Variants in GABRR1 observed in about 807,000 individuals in gnomAD.
GABRR1 encodes gamma-aminobutyric acid receptor subunit rho-1.
GABRR1 carries 59 observed loss-of-function variants against 55.5 expected under a neutral mutation model. That is an observed-to-expected ratio of 1.06 (90% confidence interval 0.86 to 1.32). GABRR1 has a LOEUF of 1.32. Ranked by LOEUF, GABRR1 falls within the 40% of genes most tolerant of loss-of-function variation. GABRR1 has a pLI of 0.00. For synonymous variants in GABRR1, 213 were observed against 226.0 expected (o/e 0.94, Z 0.51); for missense variants, 602 against 619.1 (o/e 0.97, Z 0.29).
At chr6:89,191,439 T>C (rs1293330007) in intron 5 of GABRR1, among the ~76,000 whole-genome samples, 1 of 152,230 alleles carries the variant, frequency 6.6e-6, no homozygotes, top group South Asian at 2.1e-4. Context: ...TCGAGCTAAC[T>C]TTAGAGACAT....
chr6:89,204,172 C>T (rs773230415), intron 1 of GABRR1, among the ~76,000 whole-genome samples: 8 of 152,212 alleles, frequency 5.3e-5, no homozygotes, highest in African/African-American at 1.2e-4. Context: ...CACATCTCTT[C>T]GAATTGTCCT....
chr6:89,185,686 A>C (rs1366928524), intron 6 of GABRR1, among the ~76,000 whole-genome samples: 1 of 152,250 alleles, frequency 6.6e-6, no homozygotes, highest in Non-Finnish European at 1.5e-5. Flanking sequence ...AATGCACATA[A>C]TTCCTGCAAA....
At chr6:89,219,003 C>G (rs138548423), upstream of GABRR1, among the ~76,000 whole-genome samples, 6,027 of 152,170 alleles carry the variant, frequency 0.04, 194 homozygotes, top group Middle Eastern at 0.071. Context: ...CGGTGGCTCA[C>G]GCCTGTAATC....
chr6:89,190,301 A>G, intron 5 of GABRR1, 54 bp from the exon 6 acceptor site: 2 of 1,305,944 alleles, frequency 1.5e-6, no homozygotes, highest in Non-Finnish European at 1.1e-6. Context: ...AGACGAGTGC[A>G]AAATGATAAA....
intron 5 of GABRR1, among the ~76,000 whole-genome samples, chr6:89,193,633 G>T (rs1289198411): frequency 6.6e-6 from 1 of 152,132 alleles, no homozygotes; most frequent in East Asian, 1.9e-4. Context: ...CAGGAAGCTT[G>T]TGAGCCAGTT....
At chr6:89,196,048 T>A (rs1320449009) in intron 5 of GABRR1, among the ~76,000 whole-genome samples, 1 of 152,250 alleles carries the variant, frequency 6.6e-6, no homozygotes, top group Non-Finnish European at 1.5e-5. Flanking sequence ...TATCATCCAA[T>A]TCAGCAAAGA....
chr6:89,185,592 A>G, intron 6 of GABRR1, 142 bp from the exon 7 acceptor site: 1 of 676,262 alleles, frequency 1.5e-6, no homozygotes. Flanking sequence ...ACCACAGTCT[A>G]AACAAAGCAA....
intron 1 of GABRR1, among the ~76,000 whole-genome samples, chr6:89,208,219 C>G (rs1177921537): frequency 6.6e-6 from 1 of 152,198 alleles, no homozygotes; most frequent in African/African-American, 2.4e-5. Flanking sequence ...GAGCATGTAT[C>G]CATCATGTTA....
At position 89,177,988 on chromosome 6, in the gene GABRR1, CAAG is replaced by C. The variant is rs1430636363; in HGVS notation, c.*779_*781del. 1 of 152,034 alleles carries C rather than the reference CAAG, an allele frequency of 6.6e-6. No homozygotes were observed. Among genetic ancestry groups the C allele is most frequent in the Non-Finnish European group, 1.5e-5 (1 of 68,004 alleles). The allele number at this position is 152,034 out of a possible 1,614,324, so 9.4% of individuals were successfully genotyped here. On this transcript the variant is annotated 3_prime_UTR_variant, in exon 10 of 10. Coordinates refer to ENST00000454853, the MANE Select transcript of GABRR1 (RefSeq NM_002042.5). ...CTTCTCTTTGAACAAGGACATGCTC[CAAG>C]AAGAAGAAACATGAAGTGGTGATTA... is the stretch of plus-strand genomic sequence containing the variant.
chr6:89,180,440 G>A lies in GABRR1; in HGVS notation c.998C>T (p.Ala333Val), dbSNP rs769472188. Reference sequence around the variant, plus strand: ...GATGTAGGAGACGCGCGGCATGGAGGCATTCACGCCCGTGATGATGGTGGA... The same window carrying A: ...GATGTAGGAGACGCGCGGCATGGAGACATTCACGCCCGTGATGATGGTGGA... Reference protein sequence around the residue: ...TMSTIITGVNASMPRVSYIKA... With the variant: ...TMSTIITGVNVSMPRVSYIKA... The change falls in exon 9 of 10, where the codon GCC becomes GTC. Residue 333 changes from alanine to valine, a missense_variant. This residue lies in a region of GABRR1 where 28 missense variants were observed against 53.9 expected (regional missense o/e 0.52). Coordinates refer to ENST00000454853, the MANE Select transcript of GABRR1 (RefSeq NM_002042.5). 5.6e-6 allele frequency: 9 copies of A among 1,613,888 alleles called. No homozygotes were observed. Among genetic ancestry groups the A allele is most frequent in the Non-Finnish European group, 7.6e-6 (9 of 1,179,942 alleles).
intron 6 of GABRR1, among the ~76,000 whole-genome samples, chr6:89,186,986 T>C (rs1480934651): frequency 6.6e-6 from 1 of 152,196 alleles, no homozygotes; most frequent in Non-Finnish European, 1.5e-5. Flanking sequence ...GGCTGGCTGA[T>C]AAAGTGCCCT....
chr6:89,230,586 G>T (rs1183446127), intron 1 of GABRR1, among the ~76,000 whole-genome samples: 4 of 152,206 alleles, frequency 2.6e-5, no homozygotes, highest in South Asian at 2.1e-4. Context: ...GGGGTCAGGG[G>T]TCAGGGACCC....
At chr6:89,179,254 C>T (rs1426790006) in intron 9 of GABRR1, among the ~76,000 whole-genome samples, 191 bp from the exon 10 acceptor site, 5 of 151,266 alleles carry the variant, frequency 3.3e-5, no homozygotes, top group Admixed American at 2.0e-4. Context: ...TTGCTCTTGT[C>T]GCCCAGGCTG....
chr6:89,187,208 GGT>G (rs752871448), intron 6 of GABRR1, among the ~76,000 whole-genome samples: 21 of 145,906 alleles, frequency 1.4e-4, no homozygotes, highest in Middle Eastern at 3.5e-3. Flanking sequence ...GTTTCTGGGG[GGT>G]GTGTGTGTGT....
At position 89,217,342 on chromosome 6, in the gene GABRR1, G is replaced by GCTCTCTC. The variant is rs776493204; in HGVS notation, c.-27_-21dup. 3.7e-5 allele frequency: 59 copies of GCTCTCTC among 1,612,860 alleles called. No homozygotes were observed. The highest frequency in any genetic ancestry group is 8.5e-7 in the Non-Finnish European group (1 of 1,179,484). ...CAACATGGGTTTCCAAATTCAAACA[G>GCTCTCTC]CTCTCTCCAGAAACAGCAAAAAGGA... On this transcript the variant is annotated 5_prime_UTR_variant, in exon 1 of 10. Coordinates refer to ENST00000454853, the MANE Select transcript of GABRR1 (RefSeq NM_002042.5).
upstream of GABRR1, among the ~76,000 whole-genome samples, chr6:89,220,871 C>T (rs774181667): frequency 7.9e-5 from 12 of 152,088 alleles, no homozygotes; most frequent in Non-Finnish European, 1.2e-4. Flanking sequence ...CACGCATTCG[C>T]CACTACACCC....
At chr6:89,208,433 G>T (rs1051847153) in intron 1 of GABRR1, among the ~76,000 whole-genome samples, 3 of 152,188 alleles carry the variant, frequency 2.0e-5, no homozygotes, top group Non-Finnish European at 2.9e-5. Context: ...GGGTCAACTT[G>T]CTTAGACCAT....
intron 1 of GABRR1, among the ~76,000 whole-genome samples, chr6:89,210,832 G>T (rs201314242): frequency 1.3e-5 from 2 of 150,066 alleles, no homozygotes; most frequent in African/African-American, 4.8e-5. Flanking sequence ...GATAAAAAAG[G>T]CAATGCTGAG....
intron 7 of GABRR1, among the ~76,000 whole-genome samples, chr6:89,184,066 C>T (rs778440013): frequency 1.3e-5 from 2 of 151,798 alleles, no homozygotes; most frequent in African/African-American, 2.4e-5. Context: ...ATGGTGAAAC[C>T]CCATCTCTAC....
Sources: allele counts gnomAD v4.1 joint callset (sites outside exome capture counted in the v4.1 genomes callset), GRCh38; gene constraint gnomAD v4.1.1; regional missense constraint gnomAD v4.1.1; transcripts MANE v1.5; gene names NCBI Gene and HGNC (gene_info 2026-07-23, HGNC 2026-07-21).